Variants in HEATR4 observed in about 807,000 individuals in gnomAD.
The protein encoded by HEATR4 is HEAT repeat-containing protein 4.
A neutral mutation model predicts 108.8 loss-of-function variants in HEATR4; 95 were observed. That is an observed-to-expected ratio of 0.87 (90% CI 0.74 to 1.04). The LOEUF is 1.04. Among genes scored for constraint, HEATR4 ranks in the 50% least tolerant of loss-of-function variants. The pLI is 0.00. For synonymous variants in HEATR4, 443 were observed against 459.4 expected, an observed-to-expected ratio of 0.96 and a Z score of 0.46; for missense variants, 1,152 against 1,253.8, an observed-to-expected ratio of 0.92 and a Z score of 1.23.
intron 17 of HEATR4, among the ~76,000 whole-genome samples, chr14:73,489,811 T>TTA (rs1885602525): frequency 2.0e-5 from 3 of 152,208 alleles, no homozygotes; most frequent in Non-Finnish European, 4.4e-5. Context: ...AATTCTTAAC[T>TTA]TATTTTTCAG....
At chr14:73,589,562 G>C in the HEATR4 span, among the ~76,000 whole-genome samples, 32 of 152,142 alleles carry the variant, frequency 2.1e-4, no homozygotes, top group East Asian at 6.0e-3. Flanking sequence ...CAAGCGATCC[G>C]CCCAACTCGG....
chr14:73,563,123 C>A (rs928805138), upstream of HEATR4, among the ~76,000 whole-genome samples: 1 of 152,022 alleles, frequency 6.6e-6, no homozygotes, highest in Non-Finnish European at 1.5e-5. Flanking sequence ...GTGGGCATCA[C>A]GGTCCTACCA....
the HEATR4 span, among the ~76,000 whole-genome samples, chr14:73,578,322 A>G: frequency 6.8e-6 from 1 of 146,470 alleles, no homozygotes; most frequent in South Asian, 2.2e-4. Context: ...CTTGATCTCC[A>G]AGACTCAAGT....
the HEATR4 span, chr14:73,580,645 G>C: frequency 6.6e-6 from 1 of 152,132 alleles, no homozygotes; most frequent in Non-Finnish European, 1.5e-5. Context: ...GTTTCATCTG[G>C]TGAAGGAGCC....
rs1166119425 is a variant in HEATR4, at chr14:73,530,653, G to GT, written c.-151-410dup. The GT allele has an allele frequency of 1.9e-3, 184 of 95,898 alleles. 1 individual carries two copies. Among genetic ancestry groups the GT allele is most frequent in the East Asian group, 3.0e-3 (3 of 1,000 alleles). The allele number at this position is 95,898 out of a possible 1,614,324, so 5.9% of individuals were successfully genotyped here. ...TAATGCCTTGATTTGTTTTTTGTTT[G>GT]TTTGTTTTTTTGAGACAGGGTCTCA... On this transcript the variant is annotated intron_variant, in intron 1 of 17. Transcript: ENST00000553558.
the HEATR4 span, among the ~76,000 whole-genome samples, chr14:73,627,383 G>C: frequency 6.6e-6 from 1 of 152,054 alleles, no homozygotes; most frequent in African/African-American, 2.4e-5. Flanking sequence ...AGGTTGAGGA[G>C]TAGGTCCCAC....
At chr14:73,489,136 G>C (rs1885567143) in intron 17 of HEATR4, among the ~76,000 whole-genome samples, 1 of 152,174 alleles carries the variant, frequency 6.6e-6, no homozygotes, top group Admixed American at 6.5e-5. Flanking sequence ...TTTTGCATCA[G>C]ACAATTATTT....
the HEATR4 span, chr14:73,573,461 G>T: frequency 6.2e-7 from 1 of 1,613,602 alleles, no homozygotes; most frequent in African/African-American, 1.3e-5. Context: ...GGGCTAGTCT[G>T]CTGGCTGGGA....
At chr14:73,579,265 TAAAAAA>T in the HEATR4 span, among the ~76,000 whole-genome samples, 6,911 of 70,916 alleles carry the variant, frequency 0.097, 442 homozygotes, top group Non-Finnish European at 0.13. Flanking sequence ...TCAAAAAAAT[TAAAAAA>T]AAAAAAAAAA....
chr14:73,598,217 CAAAAAAAA>C, the HEATR4 span, among the ~76,000 whole-genome samples: 2 of 54,922 alleles, frequency 3.6e-5, no homozygotes, highest in South Asian at 8.7e-4. Context: ...ACTAAAAATA[CAAAAAAAA>C]AAAAAAAAAA....
chr14:73,595,899 T>G, the HEATR4 span: 1 of 363,928 alleles, frequency 2.7e-6, no homozygotes, highest in Non-Finnish European at 4.8e-6. Flanking sequence ...ACATTTGTGT[T>G]TCCTTCTAGA....
chr14:73,617,094 C>A, the HEATR4 span: 1 of 1,576,638 alleles, frequency 6.3e-7, no homozygotes, highest in Non-Finnish European at 8.7e-7. Flanking sequence ...TGTGCTTGCC[C>A]TGGCTTATTT....
chr14:73,633,332 G>A, the HEATR4 span, among the ~76,000 whole-genome samples: 1 of 152,040 alleles, frequency 6.6e-6, no homozygotes, highest in African/African-American at 2.4e-5. Flanking sequence ...GAATGAAAAA[G>A]CAAAATTTAT....
chr14:73,625,364 A>G, the HEATR4 span, among the ~76,000 whole-genome samples: 1 of 144,002 alleles, frequency 6.9e-6, no homozygotes, highest in East Asian at 2.1e-4. Flanking sequence ...AGCCTATTTT[A>G]TTTATTTTAT....
the HEATR4 span, chr14:73,592,409 G>A: frequency 9.8e-6 from 15 of 1,524,662 alleles, no homozygotes; most frequent in Non-Finnish European, 1.1e-5. Context: ...CGCTCTTCCT[G>A]CCGCCAGGTG....
chr14:73,513,997 A>C, intron 6 of HEATR4, 34 bp downstream of exon 6: 1 of 1,601,820 alleles, frequency 6.2e-7, no homozygotes, highest in African/African-American at 1.3e-5. Flanking sequence ...ACTTCTCACA[A>C]ACGTACAGTA....
the HEATR4 span, among the ~76,000 whole-genome samples, chr14:73,613,664 G>A: frequency 6.6e-6 from 1 of 152,192 alleles, no homozygotes; most frequent in Non-Finnish European, 1.5e-5. Context: ...TATCTGAAGG[G>A]AGAGGTGCTA....
chr14:73,492,171 C>A lies in HEATR4; in HGVS notation c.2844+895G>T. 1 of 1,613,970 alleles carries A rather than the reference C, an allele frequency of 6.2e-7. No homozygotes were observed. The highest frequency in any genetic ancestry group is 8.5e-7 in the Non-Finnish European group (1 of 1,179,890). ...TTCAGTCAGGACGACCTCGGTGAGCCGGTGCTGCAGACCGTGCTGGAACCT... is the reference window on the plus strand; with the variant it reads ...TTCAGTCAGGACGACCTCGGTGAGCAGGTGCTGCAGACCGTGCTGGAACCT... On this transcript the variant is annotated intron_variant, in intron 17 of 17. Transcript: ENST00000553558. This position sits in a 1 kb window ranked among gnomAD's most constrained non-coding sequence, Gnocchi z 4.9.
chr14:73,629,131 G>A, the HEATR4 span, among the ~76,000 whole-genome samples: 1 of 151,858 alleles, frequency 6.6e-6, no homozygotes, highest in African/African-American at 2.4e-5. Flanking sequence ...TAGTGAGTCT[G>A]TGGCCTTCAA....
Sources: allele counts gnomAD v4.1 joint callset (sites outside exome capture counted in the v4.1 genomes callset), GRCh38; gene constraint gnomAD v4.1.1; non-coding constraint Gnocchi (gnomAD v3.1); transcripts MANE v1.5; gene names NCBI Gene and HGNC (gene_info 2026-07-23, HGNC 2026-07-21).